Variants in TK2 observed in about 807,000 individuals in gnomAD.
TK2 encodes thymidine kinase 2.
TK2 carries 35 observed loss-of-function variants against 41.9 expected under a neutral mutation model. That is an observed-to-expected ratio of 0.84 (90% CI 0.64 to 1.11). The LOEUF is 1.11. TK2 is among the 50% of genes least tolerant of loss of function. The pLI is 0.00. For missense variants in TK2, 320 were observed against 351.1 expected (o/e 0.91, Z 0.71); for synonymous variants, 128 against 129.1 (o/e 0.99, Z 0.06).
At chr16:66,531,546 G>A (rs142636041) in intron 4 of TK2, 77 bp from the exon 5 acceptor site, 1 of 1,391,914 alleles carries the variant, frequency 7.2e-7, no homozygotes, top group Non-Finnish European at 1.0e-6. Context: ...GGCACTGAAG[G>A]ACAGCTCAAG....
chr16:66,544,177 C>G (rs941515251), intron 2 of TK2, among the ~76,000 whole-genome samples: 3 of 152,152 alleles, frequency 2.0e-5, no homozygotes. Flanking sequence ...TGAATGAGCT[C>G]AGCCAATCTG....
rs1965742406 is a variant in TK2, at chr16:66,549,995, C to A, written c.67G>T (p.Gly23Trp). ...ALRCFGPGSR[G>W]SPASGPGPRR... ...GGCCCGGGGCCTGAGGCCGGGCTCCCGCGACTTCCCGGCCCAAAGCAGCGC... is the reference window on the plus strand; with the variant it reads ...GGCCCGGGGCCTGAGGCCGGGCTCCAGCGACTTCCCGGCCCAAAGCAGCGC... The change falls in exon 1 of 10, where the codon GGG becomes TGG. Residue 23 changes from glycine to tryptophan, a missense_variant. By Grantham distance (184) the Gly-to-Trp change is radical. Coordinates refer to ENST00000544898, the MANE Select transcript of TK2 (RefSeq NM_004614.5). The A allele has an allele frequency of 2.0e-6, 3 of 1,521,614 alleles. No individual in the cohort carries two copies. The highest frequency in any genetic ancestry group is 1.2e-5 in the South Asian group (1 of 81,524). The allele number at this position is 1,521,614 out of a possible 1,614,324, so 94.3% of individuals were successfully genotyped here. A position where few individuals can be genotyped will look rare whatever the true frequency, so the allele number is the denominator to read the frequency against.
Position 66,509,594 on chromosome 16 carries a change from T to C in TK2, c.*2374A>G, listed in dbSNP as rs1047771412. The C allele has an allele frequency of 1.3e-5, 2 of 152,274 alleles. No individual in the cohort carries two copies. The highest frequency in any genetic ancestry group is 4.8e-5 in the African/African-American group (2 of 41,468). 9.4% of individuals were successfully genotyped at this position (152,274 alleles called of 1,614,324 possible). ...CTGAGCAGCTCTGCGGTGTACTGAC[T>C]TCATGTCCCCATGGAACTCCAGTCT... On this transcript the variant is annotated 3_prime_UTR_variant, in exon 10 of 10. Transcript: ENST00000544898.
intron 4 of TK2, among the ~76,000 whole-genome samples, chr16:66,532,605 GA>G (rs112033316): frequency 0.072 from 10,402 of 144,890 alleles, 515 homozygotes; most frequent in South Asian, 0.18. Flanking sequence ...ACCCTGTCTC[GA>G]AAAAAAAAAT....
intron 6 of TK2, among the ~76,000 whole-genome samples, chr16:66,521,986 C>T (rs961183227): frequency 6.6e-6 from 1 of 152,156 alleles, no homozygotes; most frequent in Non-Finnish European, 1.5e-5. Context: ...CCCTTGTATA[C>T]GTTATTTCCT....
intron 5 of TK2, among the ~76,000 whole-genome samples, chr16:66,529,428 G>A (rs930519631): frequency 2.6e-5 from 4 of 152,228 alleles, no homozygotes; most frequent in African/African-American, 9.6e-5. Context: ...TCCACTTGAG[G>A]CAACATGTGG....
Position 66,517,328 on chromosome 16 carries a change from A to G in TK2, c.539-113T>C. On this transcript the variant is annotated intron_variant, in intron 7 of 9. Transcript: ENST00000544898. The surrounding 1 kb of genome is among the most constrained non-coding windows in gnomAD (Gnocchi z 4.3). ...TGCACAGCTCGAGCAGGAAGCAGGG[A>G]GGGCCAGCTCTTGGCTTGACCACTG... The G allele has an allele frequency of 1.1e-6, 1 of 911,606 alleles. No individual in the cohort carries two copies. The highest frequency in any genetic ancestry group is 1.8e-6 in the Non-Finnish European group (1 of 543,836). 56.5% of individuals were successfully genotyped at this position (911,606 alleles called of 1,614,324 possible). A position where few individuals can be genotyped will look rare whatever the true frequency, so the allele number is the denominator to read the frequency against.
At chr16:66,512,353 A>C (rs1242815925) in intron 9 of TK2, among the ~76,000 whole-genome samples, 1 of 152,254 alleles carries the variant, frequency 6.6e-6, no homozygotes, top group Non-Finnish European at 1.5e-5. Context: ...ACACGAGCCC[A>C]GGAGTTTGAG....
chr16:66,515,550 C>T (rs990104390), intron 8 of TK2, among the ~76,000 whole-genome samples: 2 of 152,228 alleles, frequency 1.3e-5, no homozygotes, highest in Admixed American at 6.5e-5. Flanking sequence ...CAGAGGCTCG[C>T]GTGTCAACTC....
intron 3 of TK2, among the ~76,000 whole-genome samples, chr16:66,537,988 C>A (rs1034158314): frequency 6.6e-6 from 1 of 152,094 alleles, no homozygotes. Flanking sequence ...CATGGTGAAA[C>A]CCCATCTCTA....
intron 4 of TK2, among the ~76,000 whole-genome samples, chr16:66,535,508 A>C (rs940311610): frequency 6.6e-6 from 1 of 152,216 alleles, no homozygotes; most frequent in African/African-American, 2.4e-5. Flanking sequence ...CACAGAGAAG[A>C]AATTCTTCTC....
chr16:66,516,559 G>A (rs927650951), intron 8 of TK2, among the ~76,000 whole-genome samples: 3 of 152,158 alleles, frequency 2.0e-5, no homozygotes, highest in African/African-American at 7.2e-5. Context: ...GAAGGGAGAT[G>A]CAAGGAGGGA....
Position 66,548,977 on chromosome 16 carries a change from C to T in TK2, c.156+1G>A, listed in dbSNP as rs770528089. On this transcript the variant is annotated splice_donor_variant, in intron 2 of 9. Coordinates refer to ENST00000544898, the MANE Select transcript of TK2 (RefSeq NM_004614.5). LOFTEE classifies it high-confidence loss of function. ...AGAGTACACATAAAAGAGGGACTTA[C>T]CACTGATTTTTTCTCTTTTTCCTGT... The T allele has an allele frequency of 6.2e-7, 1 of 1,613,024 alleles. No individual in the cohort carries two copies. The highest frequency in any genetic ancestry group is 1.7e-5 in the Admixed American group (1 of 60,010).
upstream of TK2, chr16:66,550,131 A>C (rs538827481): frequency 6.2e-7 from 1 of 1,612,326 alleles, no homozygotes; most frequent in East Asian, 2.2e-5. Flanking sequence ...CTGCTAGTCC[A>C]GCCGTTGGGC....
At position 66,511,716 on chromosome 16, in the gene TK2, G is replaced by A. The variant is rs1964454869; in HGVS notation, c.*252C>T. ...GAGCGACTCAGCAGCACAAAGCCAT[G>A]GGAGAGGCACCGGGGGAATGTGAGG... On this transcript the variant is annotated 3_prime_UTR_variant, in exon 10 of 10. Coordinates refer to ENST00000544898, the MANE Select transcript of TK2 (RefSeq NM_004614.5). The A allele has an allele frequency of 1.8e-6, 1 of 566,266 alleles. No individual in the cohort carries two copies. The highest frequency in any genetic ancestry group is 3.2e-6 in the Non-Finnish European group (1 of 314,466). The allele number at this position is 566,266 out of a possible 1,614,324, so 35.1% of individuals were successfully genotyped here. A position where few individuals can be genotyped will look rare whatever the true frequency, so the allele number is the denominator to read the frequency against.
chr16:66,518,056 C>T, intron 6 of TK2, 179 bp from the exon 7 acceptor site: 1 of 666,898 alleles, frequency 1.5e-6, no homozygotes, highest in Admixed American at 2.1e-5. Flanking sequence ...TCCCGACCTC[C>T]TGCTGCCTGG....
chr16:66,514,975 A>AT lies in TK2; in HGVS notation c.619-1165dup, dbSNP rs1165920268. Among the ~76,000 whole-genome samples the AT allele has an allele frequency of 6.6e-6, 1 of 152,166 alleles. No homozygotes were observed. The highest frequency in any genetic ancestry group is 6.5e-5 in the Admixed American group (1 of 15,286). On this transcript the variant is annotated intron_variant, in intron 8 of 9. Coordinates refer to ENST00000544898, the MANE Select transcript of TK2 (RefSeq NM_004614.5). The surrounding 1 kb of genome is among the most constrained non-coding windows in gnomAD (Gnocchi z 4.2). ...ACAGATGCTTGAAGGTAGCATACTC[A>AT]TTAAGAGTCATCACCATTCCCTAAT...
chr16:66,516,831 A>G (rs1964629387), intron 8 of TK2, among the ~76,000 whole-genome samples: 1 of 152,046 alleles, frequency 6.6e-6, no homozygotes, highest in South Asian at 2.1e-4. Flanking sequence ...CAGGAGGCAG[A>G]ACAGACAAGC....
In TK2 at chr16:66,511,143, GGCA is replaced by G. The variant is rs1229407458; in HGVS notation, c.*822_*824del. 2 of 152,312 alleles carry G rather than the reference GGCA, an allele frequency of 1.3e-5. No homozygotes were observed. 9.4% of individuals were successfully genotyped at this position (152,312 alleles called of 1,614,324 possible). On this transcript the variant is annotated 3_prime_UTR_variant, in exon 10 of 10. Transcript: ENST00000544898. ...AAAGCGACTTCCCTGACATGGAGTT[GGCA>G]GCAGTTCAAGCAGGACCTTAATCAC...
Sources: gnomAD v4.1 joint callset for allele counts (sites outside exome capture counted in the v4.1 genomes callset) on GRCh38, gnomAD v4.1.1 for gene constraint, Gnocchi (gnomAD v3.1) non-coding constraint, MANE v1.5 for transcripts, NCBI Gene and HGNC (gene_info 2026-07-23, HGNC 2026-07-21) for gene names.